PANX1: variants seen among roughly 807,000 people sequenced by gnomAD.
PANX1 encodes pannexin-1.
In PANX1, 30 loss-of-function variants were observed where a neutral mutation model predicts 38.7. The ratio of observed to expected loss-of-function variants is 0.78; its 90% CI spans 0.58 to 1.05. PANX1 has a LOEUF of 1.05. Ranked by LOEUF, PANX1 falls within the 50% of genes least tolerant of loss-of-function variation. PANX1 has a pLI of 0.00. For synonymous variants in PANX1, 230 were observed against 212.2 expected (o/e 1.08, Z -0.73); for missense variants, 551 against 517.2 (o/e 1.07, Z -0.63).
intron 1 of PANX1, 76 bp downstream of exon 1, chr11:94,129,569 C>G: frequency 7.4e-7 from 1 of 1,343,780 alleles, no homozygotes; most frequent in Middle Eastern, 2.1e-4. Context: ...GGCTCACAGG[C>G]CCGAGTCTGG....
Position 94,180,826 on chromosome 11 carries a change from G to A in PANX1, c.1238G>A (p.Gly413Glu). 1 of 1,594,012 alleles carries A rather than the reference G, an allele frequency of 6.3e-7. No homozygotes were observed. Among genetic ancestry groups the A allele is most frequent in the East Asian group, 2.2e-5 (1 of 44,754 alleles). The change falls in exon 5 of 5, where the codon GGA becomes GAA. Residue 413 changes from glycine (G) to glutamate (E), a missense_variant. Gly to Glu is a moderately conservative substitution (Grantham distance 98). Coordinates refer to ENST00000227638, the MANE Select transcript of PANX1 (RefSeq NM_015368.4). ...GACAGTGAAACTAAAGCAAATAATG[G>A]AGAGAAGAATGCCCGACAGAGACTT... ...NIDSETKANNGEKNARQRLLD... is the reference protein window; with the variant it reads ...NIDSETKANNEEKNARQRLLD...
intron 2 of PANX1, among the ~76,000 whole-genome samples, chr11:94,154,835 T>C (rs1357186342): frequency 1.3e-5 from 2 of 152,234 alleles, no homozygotes; most frequent in Non-Finnish European, 2.9e-5. Flanking sequence ...ATATGTATTA[T>C]ATACTGTATT....
intron 1 of PANX1, among the ~76,000 whole-genome samples, chr11:94,141,325 A>G (rs1946759558): frequency 6.6e-6 from 1 of 152,204 alleles, no homozygotes; most frequent in Admixed American, 6.5e-5. Flanking sequence ...TAAATTTGCC[A>G]ATCTTAATGG....
chr11:94,145,614 C>T (rs1313375195), intron 1 of PANX1, among the ~76,000 whole-genome samples: 1 of 152,220 alleles, frequency 6.6e-6, no homozygotes, highest in African/African-American at 2.4e-5. Flanking sequence ...ACTGTATCTT[C>T]ATACCATCTC....
intron 1 of PANX1, among the ~76,000 whole-genome samples, chr11:94,132,513 G>A (rs1946641783): frequency 6.6e-6 from 1 of 152,180 alleles, no homozygotes; most frequent in East Asian, 1.9e-4. Flanking sequence ...CCGTCACATG[G>A]AGAGGTGGGA....
chr11:94,178,224 C>T (rs1431182934), intron 2 of PANX1, 145 bp from the exon 3 acceptor site: 1 of 640,514 alleles, frequency 1.6e-6, no homozygotes, highest in African/African-American at 1.8e-5. Flanking sequence ...GGAATTTAGC[C>T]ATAAGAAGTA....
At position 94,162,736 on chromosome 11, in the gene PANX1, T is replaced by C. The variant is rs567296099; in HGVS notation, c.321+9106T>C. 1.2e-4 allele frequency among the ~76,000 whole-genome samples: 18 copies of C among 152,302 alleles called. 1 individual carries two copies. In the South Asian group the frequency reaches 3.7e-3, roughly 32 times the overall value. On this transcript the variant is annotated intron_variant, in intron 2 of 4. Transcript: ENST00000227638. ...CGGCACCCACTGTCCTGCCCCCACT[T>C]TCTGACACTCCCCAGTGAGATGAAT...
chr11:94,152,382 T>G (rs933296260), intron 1 of PANX1, among the ~76,000 whole-genome samples: 2 of 152,232 alleles, frequency 1.3e-5, no homozygotes, highest in African/African-American at 2.4e-5. Context: ...AATTAATGAC[T>G]TATCAGCTGT....
At chr11:94,154,698 T>G (rs550719458) in intron 2 of PANX1, among the ~76,000 whole-genome samples, 1 of 152,226 alleles carries the variant, frequency 6.6e-6, no homozygotes, top group South Asian at 2.1e-4. Context: ...GGGGCACTGG[T>G]CCCCTGCACA....
At chr11:94,162,666 C>A (rs750459292) in intron 2 of PANX1, among the ~76,000 whole-genome samples, 1 of 152,164 alleles carries the variant, frequency 6.6e-6, no homozygotes, top group Admixed American at 6.5e-5. Flanking sequence ...TTGCGCTTCC[C>A]GGGTGAGGTG....
Position 94,129,279 on chromosome 11 carries a change from C to T in PANX1, c.-34C>T, listed in dbSNP as rs201087780. On this transcript the variant is annotated 5_prime_UTR_variant, in exon 1 of 5. Coordinates refer to ENST00000227638, the MANE Select transcript of PANX1 (RefSeq NM_015368.4). The stretch of plus-strand genomic sequence containing the variant: ...CAGCTTTCCCGACGCCGGCTGTACC[C>T]GGACCTCCTGGTCGAGCCTGGCGCG... 1.3e-6 allele frequency: 2 copies of T among 1,575,750 alleles called. No individual in the cohort carries two copies. The highest frequency in any genetic ancestry group is 1.4e-5 in the African/African-American group (1 of 73,962).
At chr11:94,162,529 A>T (rs1352662336) in intron 2 of PANX1, among the ~76,000 whole-genome samples, 1 of 152,230 alleles carries the variant, frequency 6.6e-6, no homozygotes, top group Admixed American at 6.5e-5. Flanking sequence ...GGCGCTGGAT[A>T]TAATCTTCTG....
At chr11:94,178,330 G>C (rs1947258949) in intron 2 of PANX1, 39 bp from the exon 3 acceptor site, 2 of 1,467,144 alleles carry the variant, frequency 1.4e-6, no homozygotes, top group East Asian at 4.5e-5. Flanking sequence ...ACTGCATGGG[G>C]GGTTTGTTAA....
chr11:94,148,980 A>G (rs73512253), intron 1 of PANX1, among the ~76,000 whole-genome samples: 8,426 of 151,994 alleles, frequency 0.055, 805 homozygotes, highest in African/African-American at 0.19. Flanking sequence ...CAGCTTCACA[A>G]CCCACTAGCC....
At chr11:94,174,779 C>A (rs1947212274) in intron 2 of PANX1, among the ~76,000 whole-genome samples, 3 of 151,640 alleles carry the variant, frequency 2.0e-5, no homozygotes, top group African/African-American at 7.3e-5. Context: ...GTTGTTCAGT[C>A]CGAATTGGAT....
chr11:94,132,816 CT>C (rs943609830), intron 1 of PANX1, among the ~76,000 whole-genome samples: 2 of 151,964 alleles, frequency 1.3e-5, no homozygotes, highest in African/African-American at 4.8e-5. Context: ...CAAGTTGAAA[CT>C]TTGTGGCGAT....
intron 1 of PANX1, among the ~76,000 whole-genome samples, chr11:94,152,257 A>G (rs12283942): frequency 0.32 from 48,261 of 152,006 alleles, 8,010 homozygotes; most frequent in Admixed American, 0.4. Flanking sequence ...TGCTGCAGCA[A>G]GTTTTGTTTT....
At chr11:94,177,124 G>A (rs946703108) in intron 2 of PANX1, among the ~76,000 whole-genome samples, 4 of 151,594 alleles carry the variant, frequency 2.6e-5, no homozygotes, top group Admixed American at 6.6e-5. Context: ...AAACTAACCA[G>A]ATGGATGGGC....
intron 2 of PANX1, 99 bp downstream of exon 2, chr11:94,153,729 A>G: frequency 9.1e-7 from 1 of 1,103,890 alleles, no homozygotes; most frequent in East Asian, 2.5e-5. Flanking sequence ...TATTGTAGCC[A>G]ACCAGTGCTG....
Sources: gnomAD v4.1 joint callset for allele counts (sites outside exome capture counted in the v4.1 genomes callset) on GRCh38, gnomAD v4.1.1 for gene constraint, MANE v1.5 for transcripts, NCBI Gene and HGNC (gene_info 2026-07-23, HGNC 2026-07-21) for gene names.